Variants in SLC8A3 observed in about 807,000 individuals in gnomAD.
SLC8A3 encodes the protein sodium/calcium exchanger 3.
A neutral mutation model predicts 65.4 loss-of-function variants in SLC8A3; 37 were observed. The ratio of observed to expected loss-of-function variants is 0.57; its 90% CI spans 0.44 to 0.74. The LOEUF (loss-of-function observed/expected upper bound fraction) is 0.74. SLC8A3 is among the 30% of genes least tolerant of loss of function. SLC8A3 has a pLI of 0.00. For synonymous variants in SLC8A3, 461 were observed against 444.5 expected, an observed-to-expected ratio of 1.04 and a Z score of -0.47; for missense variants, 1,112 against 1,172.1, an observed-to-expected ratio of 0.95 and a Z score of 0.75.
At chr14:70,182,640 GA>G (rs975993861) in intron 1 of SLC8A3, among the ~76,000 whole-genome samples, 4 of 152,172 alleles carry the variant, frequency 2.6e-5, no homozygotes, top group Non-Finnish European at 5.9e-5. Flanking sequence ...TGTTGGATGA[GA>G]CTTGGGGAGA....
In SLC8A3 at chr14:70,168,051, G is replaced by A. The variant is rs12878498; in HGVS notation, c.372C>T (p.Thr124=). 6.2e-7 allele frequency: 1 copy of A among 1,613,982 alleles called. No individual in the cohort carries two copies. The highest frequency in any genetic ancestry group is 2.2e-5 in the East Asian group (1 of 44,892). Residue 124 remains threonine (T), a synonymous_variant, in exon 2 of 7, where the codon ACC becomes ACT. Coordinates refer to ENST00000356921, the MANE Select transcript of SLC8A3 (RefSeq NM_182932.3). ...IKKPNGETST[T]TIRVWNETVS... ...CAGTTTCATTCCAGACCCGAATAGT[G>A]GTTGTGCTGGTTTCTCCATTGGGTT...
intron 2 of SLC8A3, among the ~76,000 whole-genome samples, chr14:70,134,656 GATTTTCTTAGC>G (rs1171993508): frequency 6.6e-6 from 1 of 152,060 alleles, no homozygotes; most frequent in Non-Finnish European, 1.5e-5. Flanking sequence ...CTCTCACCTG[GATTTTCTTAGC>G]ATTTTCTTAG....
At position 70,095,770 on chromosome 14, in the gene SLC8A3, G is replaced by A. The variant is rs562120182; in HGVS notation, c.1785-34831C>T. Among the ~76,000 whole-genome samples the A allele has an allele frequency of 7.2e-5, 11 of 152,318 alleles. No homozygotes were observed. The East Asian group carries it at 1.5e-3, about 21-fold the overall frequency. ...TGCAGAGAGAAGCAAGTAAGAAACCGTTTGGTTCCAGGGGAAAAGACAGGA... is the reference window on the plus strand; with the variant it reads ...TGCAGAGAGAAGCAAGTAAGAAACCATTTGGTTCCAGGGGAAAAGACAGGA... On this transcript the variant is annotated intron_variant, in intron 2 of 6. Transcript: ENST00000356921.
chr14:70,045,645 C>G lies in SLC8A3; in HGVS notation c.*302G>C, dbSNP rs75876443. The G allele has an allele frequency of 0.056, 15,717 of 282,206 alleles. 1,530 individuals are homozygous for G. Among genetic ancestry groups the G allele is most frequent in the East Asian group, 0.39 (6,489 of 16,570 alleles). 17.5% of individuals were successfully genotyped at this position (282,206 alleles called of 1,614,324 possible). On this transcript the variant is annotated 3_prime_UTR_variant, in exon 7 of 7. Transcript: ENST00000356921. Reference sequence around the variant, plus strand: ...AGATGGAATAGAAGGAGGCGAAAGGCTCTGACCTTTGCTTTGGGTCAGGGA... The same window carrying G: ...AGATGGAATAGAAGGAGGCGAAAGGGTCTGACCTTTGCTTTGGGTCAGGGA...
intron 2 of SLC8A3, among the ~76,000 whole-genome samples, chr14:70,115,939 G>C (rs778453466): frequency 6.6e-6 from 1 of 152,104 alleles, no homozygotes; most frequent in Non-Finnish European, 1.5e-5. Context: ...TATGCCACCT[G>C]AAAAAGTATC....
chr14:70,069,403 T>G (rs150948), intron 2 of SLC8A3, among the ~76,000 whole-genome samples: 15,193 of 152,230 alleles, frequency 0.1, 918 homozygotes, highest in African/African-American at 0.16. Context: ...CTCTTTACCC[T>G]GTCAAGAAGC....
intron 2 of SLC8A3, among the ~76,000 whole-genome samples, chr14:70,120,274 A>G (rs150669076): frequency 6.6e-6 from 1 of 152,344 alleles, no homozygotes; most frequent in Non-Finnish European, 1.5e-5. Context: ...CTAATATACC[A>G]TGGCTATTAT....
At position 70,167,344 on chromosome 14, in the gene SLC8A3, C is replaced by T. The variant is rs1354131575; in HGVS notation, c.1079G>A (p.Arg360His). The change falls in exon 2 of 7, where the codon CGT (arginine) becomes CAT (histidine). Residue 360 changes from arginine to histidine, a missense_variant. Arg to His is a conservative substitution (Grantham distance 29). Transcript: ENST00000356921. Reference protein sequence around the residue: ...SRAFYRIQATRMMTGAGNILK... With the variant: ...SRAFYRIQATHMMTGAGNILK... ...GATATTGCCTGCACCAGTCATCATA[C>T]GAGTGGCTTGGATACGGTAGAAGGC... is the stretch of plus-strand genomic sequence containing the variant. 5 of 1,614,030 alleles carry T rather than the reference C, an allele frequency of 3.1e-6. No homozygotes were observed. The highest frequency in any genetic ancestry group is 2.2e-5 in the East Asian group (1 of 44,890).
chr14:70,072,234 C>T (rs865899980), intron 2 of SLC8A3, among the ~76,000 whole-genome samples: 5 of 152,290 alleles, frequency 3.3e-5, no homozygotes, highest in Non-Finnish European at 5.9e-5. Context: ...TTCCCAGTGC[C>T]TGGAGAGCGT....
chr14:70,167,531 C>G lies in SLC8A3; in HGVS notation c.892G>C (p.Asp298His). 1 of 1,613,988 alleles carries G rather than the reference C, an allele frequency of 6.2e-7. No individual in the cohort carries two copies. The highest frequency in any genetic ancestry group is 8.5e-7 in the Non-Finnish European group (1 of 1,180,006). ...DGKMMNSHFL[D>H]GNLVPLEGKE... ...CCTTCCAGGGGCACCAGGTTCCCATCTAGAAAATGGGAATTCATCATTTTC... is the reference window on the plus strand; with the variant it reads ...CCTTCCAGGGGCACCAGGTTCCCATGTAGAAAATGGGAATTCATCATTTTC... Residue 298 changes from aspartate (D) to histidine (H), a missense_variant, in exon 2 of 7, where the codon GAT becomes CAT. Transcript: ENST00000356921.
intron 2 of SLC8A3, among the ~76,000 whole-genome samples, chr14:70,098,342 C>T (rs957045591): frequency 6.6e-6 from 1 of 152,090 alleles, no homozygotes; most frequent in Non-Finnish European, 1.5e-5. Flanking sequence ...TCACCTCCCC[C>T]TTTCCCCAAT....
At chr14:70,175,821 G>A (rs1361259914) in intron 1 of SLC8A3, among the ~76,000 whole-genome samples, 6 of 143,548 alleles carry the variant, frequency 4.2e-5, no homozygotes, top group South Asian at 2.4e-4. Flanking sequence ...CGCAACCTCC[G>A]CCTCCCAGGA....
intron 2 of SLC8A3, among the ~76,000 whole-genome samples, chr14:70,085,455 G>C (rs1410711055): frequency 2.0e-5 from 3 of 152,032 alleles, no homozygotes; most frequent in Non-Finnish European, 1.5e-5. Context: ...GTTCAATCTG[G>C]TAACTACTTA....
chr14:70,063,748 C>A, intron 2 of SLC8A3: 2 of 815,136 alleles, frequency 2.5e-6, no homozygotes, highest in East Asian at 2.5e-5. Context: ...GAGGAGGAGA[C>A]AAATGGGTTG....
intron 2 of SLC8A3, among the ~76,000 whole-genome samples, chr14:70,155,242 G>A (rs1189965983): frequency 6.6e-6 from 1 of 151,912 alleles, no homozygotes; most frequent in East Asian, 1.9e-4. Flanking sequence ...ATTTCTTTGT[G>A]AATATTCAGA....
intron 3 of SLC8A3, among the ~76,000 whole-genome samples, chr14:70,054,685 GC>G (rs1484501236): frequency 6.6e-6 from 1 of 152,048 alleles, no homozygotes; most frequent in African/African-American, 2.4e-5. Context: ...TAAAAAAGAA[GC>G]AAAAAGCCAA....
At chr14:70,080,567 A>T (rs1566764804) in intron 2 of SLC8A3, among the ~76,000 whole-genome samples, 1 of 152,172 alleles carries the variant, frequency 6.6e-6, no homozygotes, top group Admixed American at 6.5e-5. Flanking sequence ...GGAGACAGCA[A>T]ATGGGGTTGG....
intron 2 of SLC8A3, among the ~76,000 whole-genome samples, chr14:70,154,386 T>C (rs1404533550): frequency 6.6e-6 from 1 of 152,236 alleles, no homozygotes; most frequent in African/African-American, 2.4e-5. Context: ...CTTTCCACCA[T>C]TCGGACCGTC....
chr14:70,188,990 C>G (rs565564442), upstream of SLC8A3: 22 of 152,344 alleles, frequency 1.4e-4, no homozygotes, highest in African/African-American at 5.3e-4. Flanking sequence ...GCCCATTAAG[C>G]TGCCGGAAGA....
Sources: gnomAD v4.1 joint callset for allele counts (sites outside exome capture counted in the v4.1 genomes callset) on GRCh38, gnomAD v4.1.1 for gene constraint, MANE v1.5 for transcripts, NCBI Gene and HGNC (gene_info 2026-07-23, HGNC 2026-07-21) for gene names.